MARK3: variants seen among roughly 807,000 people sequenced by gnomAD.
MARK3 encodes MAP/microtubule affinity-regulating kinase 3.
Under a neutral mutation model 90.1 loss-of-function variants are expected in MARK3, and 46 were observed. The observed-to-expected ratio is 0.51, with a 90% CI of 0.40 to 0.65. The LOEUF is 0.65. MARK3 is among the 30% of genes least tolerant of loss of function. The pLI, the probability that MARK3 is intolerant of heterozygous loss-of-function variation, is 0.00. For missense variants in MARK3, 818 were observed against 947.2 expected (o/e 0.86, Z 1.79); for synonymous variants, 321 against 332.6 (o/e 0.97, Z 0.38).
chr14:103,417,629 CTT>C (rs1259830441), intron 2 of MARK3, among the ~76,000 whole-genome samples: 2 of 152,044 alleles, frequency 1.3e-5, no homozygotes, highest in Admixed American at 1.3e-4. Flanking sequence ...AAAATTGTCT[CTT>C]TTTTAACTTA....
chr14:103,486,498 A>T (rs922529433), intron 14 of MARK3, among the ~76,000 whole-genome samples: 15 of 152,296 alleles, frequency 9.8e-5, no homozygotes, highest in Admixed American at 5.2e-4. Flanking sequence ...CAAAAACTTT[A>T]AAAAAATTTT....
In MARK3 at chr14:103,412,350, CGT is replaced by C. The variant is rs535657578; in HGVS notation, c.243+7089_243+7090del. On this transcript the variant is annotated intron_variant, in intron 2 of 17. Coordinates refer to ENST00000429436, the MANE Select transcript of MARK3 (RefSeq NM_001128918.3). ...TCCACTTTGGCCACCGTGTTTTCAT[CGT>C]GTGTGAGCAGGGAAGGGAACTTTAC... is the stretch of plus-strand genomic sequence containing the variant. 558 of 626,464 alleles carry C rather than the reference CGT, an allele frequency of 8.9e-4. 1 individual carries two copies. The African/African-American group carries it at 9.3e-3, about 10-fold the overall frequency. The allele number at this position is 626,464 out of a possible 1,614,324, so 38.8% of individuals were successfully genotyped here. A position where few individuals can be genotyped will look rare whatever the true frequency, so the allele number is the denominator to read the frequency against.
intron 3 of MARK3, among the ~76,000 whole-genome samples, chr14:103,430,620 C>A (rs1461474326): frequency 6.6e-6 from 1 of 152,080 alleles, no homozygotes; most frequent in Non-Finnish European, 1.5e-5. Flanking sequence ...CCACCACTAC[C>A]GAAAAAGGTG....
At chr14:103,502,836 G>T in intron 17 of MARK3, 46 bp from the exon 18 acceptor site, 4 of 1,498,826 alleles carry the variant, frequency 2.7e-6, no homozygotes, top group Non-Finnish European at 3.6e-6. Flanking sequence ...GTAAGAGGTT[G>T]ATTTTCCTGT....
chr14:103,390,200 A>G (rs1315724864), intron 1 of MARK3, among the ~76,000 whole-genome samples: 2 of 152,044 alleles, frequency 1.3e-5, no homozygotes, highest in African/African-American at 4.8e-5. Context: ...GTGAGCCAAG[A>G]TGGCGCCACT....
chr14:103,433,977 A>G (rs1334934599), intron 3 of MARK3, among the ~76,000 whole-genome samples: 1 of 152,148 alleles, frequency 6.6e-6, no homozygotes, highest in Non-Finnish European at 1.5e-5. Context: ...CTCAGTTGCC[A>G]TCATTTTGAG....
At chr14:103,475,729 G>A (rs991359294) in intron 13 of MARK3, among the ~76,000 whole-genome samples, 8 of 152,088 alleles carry the variant, frequency 5.3e-5, no homozygotes, top group Non-Finnish European at 1.2e-4. Flanking sequence ...GGTAGATCAC[G>A]AGGTCAGGAG....
intron 6 of MARK3, among the ~76,000 whole-genome samples, chr14:103,458,470 A>AG (rs2093326137): frequency 6.8e-6 from 1 of 147,534 alleles, no homozygotes; most frequent in African/African-American, 2.5e-5. Flanking sequence ...AAAAAAAAAA[A>AG]AAAAAGAAGC....
chr14:103,389,332 C>T (rs1437586289), intron 1 of MARK3, among the ~76,000 whole-genome samples: 1 of 150,612 alleles, frequency 6.6e-6, no homozygotes, highest in African/African-American at 2.4e-5. Context: ...CCACCACATT[C>T]CAGCCTGGGC....
chr14:103,428,068 T>C (rs2092467784), intron 2 of MARK3, among the ~76,000 whole-genome samples: 1 of 152,190 alleles, frequency 6.6e-6, no homozygotes, highest in South Asian at 2.1e-4. Context: ...GGGGGACCCT[T>C]AATCCTTAAG....
Position 103,491,766 on chromosome 14 carries a change from T to G in MARK3, c.1587-11T>G, listed in dbSNP as rs200787879. 7.5e-4 allele frequency: 1,216 copies of G among 1,611,674 alleles called. No individual in the cohort carries two copies. Among genetic ancestry groups the G allele is most frequent in the Non-Finnish European group, 9.9e-4 (1,166 of 1,178,418 alleles). The stretch of plus-strand genomic sequence containing the variant: ...CATGTTCTGAGAGCTTCTTACTTTC[T>G]GATCTCATAGCACTATTCCTGATCA... On this transcript the variant is annotated splice_polypyrimidine_tract_variant and intron_variant, in intron 14 of 17. Coordinates refer to ENST00000429436, the MANE Select transcript of MARK3 (RefSeq NM_001128918.3).
At chr14:103,418,219 C>CTTTT (rs36012703) in intron 2 of MARK3, among the ~76,000 whole-genome samples, 1 of 61,662 alleles carries the variant, frequency 1.6e-5, no homozygotes, top group Non-Finnish European at 3.1e-5. Flanking sequence ...ATAGTAAAGG[C>CTTTT]TTTTTTTTTT....
chr14:103,421,020 C>G (rs1222913694), intron 2 of MARK3, among the ~76,000 whole-genome samples: 1 of 152,150 alleles, frequency 6.6e-6, no homozygotes, highest in Admixed American at 6.5e-5. Context: ...TTACCTAACA[C>G]CTGCATTTTC....
At position 103,386,073 on chromosome 14, in the gene MARK3, C is replaced by A. The variant is rs2140401309; in HGVS notation, c.44C>A (p.Thr15Asn). 1 of 1,614,190 alleles carries A rather than the reference C, an allele frequency of 6.2e-7. No homozygotes were observed. The highest frequency in any genetic ancestry group is 1.1e-5 in the South Asian group (1 of 91,084). ...TTGCCAACGGTGAATGAACGAGACACTGAAAACGTAAGTAACCTGGGCGTT... is the reference window on the plus strand; with the variant it reads ...TTGCCAACGGTGAATGAACGAGACAATGAAAACGTAAGTAACCTGGGCGTT... The part of the protein sequence containing the change: ...TPLPTVNERD[T>N]ENHTSHGDGR... The change falls in exon 1 of 18, where the codon ACT becomes AAT. Residue 15 changes from threonine to asparagine, a missense_variant. Physicochemically the swap from Thr to Asn is moderately conservative, Grantham distance 65. Around this residue, in one of 3 missense-constraint regions of MARK3, gnomAD observed 157 missense variants for 158.7 expected, o/e 0.99. Transcript: ENST00000429436.
intron 1 of MARK3, among the ~76,000 whole-genome samples, chr14:103,402,209 A>G (rs2091004498): frequency 6.6e-6 from 1 of 152,190 alleles, no homozygotes; most frequent in South Asian, 2.1e-4. Context: ...TTTTATTATA[A>G]GCACACTGGT....
At chr14:103,437,223 C>A (rs980457595) in intron 3 of MARK3, among the ~76,000 whole-genome samples, 1 of 152,038 alleles carries the variant, frequency 6.6e-6, no homozygotes, top group African/African-American at 2.4e-5. Context: ...AAATTTCTTG[C>A]CAGACTTATT....
At position 103,492,025 on chromosome 14, in the gene MARK3, T is replaced by G. The variant is rs1454390791; in HGVS notation, c.1835T>G (p.Leu612Arg). 5 of 1,614,050 alleles carry G rather than the reference T, an allele frequency of 3.1e-6. No individual in the cohort carries two copies. ...TNLFSKLTSKLTRRNMSFRFI... is the reference protein window; with the variant it reads ...TNLFSKLTSKRTRRNMSFRFI... Reference sequence around the variant, plus strand: ...CTCTTTAGTAAATTAACTTCAAAACTCACAAGGAGGTAAGTGCTAGGTGCT... The same window carrying G: ...CTCTTTAGTAAATTAACTTCAAAACGCACAAGGAGGTAAGTGCTAGGTGCT... The change falls in exon 15 of 18, where the codon CTC becomes CGC. Residue 612 changes from leucine to arginine, a missense_variant. Physicochemically the swap from Leu to Arg is moderately radical, Grantham distance 102. Around this residue, in one of 3 missense-constraint regions of MARK3, gnomAD observed 560 missense variants for 613.5 expected, o/e 0.91. Coordinates refer to ENST00000429436, the MANE Select transcript of MARK3 (RefSeq NM_001128918.3).
chr14:103,499,971 G>C, intron 16 of MARK3, 185 bp from the exon 17 acceptor site: 1 of 618,120 alleles, frequency 1.6e-6, no homozygotes, highest in Non-Finnish European at 3.0e-6. Context: ...CAGCCTTGTG[G>C]AAGAAGGTAG....
intron 11 of MARK3, chr14:103,467,692 A>AAAAAAG (rs2093539770): frequency 6.3e-6 from 1 of 158,902 alleles, no homozygotes; most frequent in Non-Finnish European, 1.4e-5. Flanking sequence ...AAAAAAAAAA[A>AAAAAAG]AAAAAGATGG....
Sources: allele counts gnomAD v4.1 joint callset (sites outside exome capture counted in the v4.1 genomes callset), GRCh38; gene constraint gnomAD v4.1.1; regional missense constraint gnomAD v4.1.1; transcripts MANE v1.5; gene names NCBI Gene and HGNC (gene_info 2026-07-23, HGNC 2026-07-21).